Variants in MRAP2 observed in about 807,000 individuals in gnomAD.
MRAP2 encodes the protein melanocortin-2 receptor accessory protein 2.
In MRAP2, 20 loss-of-function variants were observed where a neutral mutation model predicts 17.4. The observed-to-expected ratio is 1.15, with a 90% CI of 0.81 to 1.67. MRAP2 has a LOEUF of 1.67. Among genes scored for constraint, MRAP2 ranks in the 40% most tolerant of loss-of-function variants. MRAP2 has a pLI of 0.00. For missense variants in MRAP2, 238 were observed against 240.0 expected (o/e 0.99, Z 0.05); for synonymous variants, 96 against 88.4 (o/e 1.09, Z -0.48).
chr6:84,104,275 T>C, the MRAP2 span, among the ~76,000 whole-genome samples: 1 of 152,202 alleles, frequency 6.6e-6, no homozygotes, highest in Non-Finnish European at 1.5e-5. Flanking sequence ...CTCTGGTTCC[T>C]GCCCACGAAA....
At chr6:84,115,424 C>A in the MRAP2 span, among the ~76,000 whole-genome samples, 1 of 152,172 alleles carries the variant, frequency 6.6e-6, no homozygotes, top group Non-Finnish European at 1.5e-5. Context: ...CGCCCCTTCA[C>A]CCACCAAGTT....
At chr6:84,066,685 C>G (rs1157916400) in intron 3 of MRAP2, among the ~76,000 whole-genome samples, 2 of 152,048 alleles carry the variant, frequency 1.3e-5, no homozygotes, top group Non-Finnish European at 2.9e-5. Context: ...TCCATGTGTT[C>G]CCACAATACA....
the MRAP2 span, among the ~76,000 whole-genome samples, chr6:84,100,329 C>T: frequency 6.6e-6 from 1 of 152,112 alleles, no homozygotes. Context: ...GTGGAACAAT[C>T]GTGGCTCACT....
chr6:84,105,930 G>A, the MRAP2 span, among the ~76,000 whole-genome samples: 1 of 152,100 alleles, frequency 6.6e-6, no homozygotes, highest in South Asian at 2.1e-4. Flanking sequence ...GTCACTAGGG[G>A]TAATGTGGAG....
chr6:84,141,150 A>C, the MRAP2 span, among the ~76,000 whole-genome samples: 1 of 152,182 alleles, frequency 6.6e-6, no homozygotes, highest in African/African-American at 2.4e-5. Context: ...CTAACAGGCC[A>C]TGAACTGGTA....
chr6:84,139,704 G>A, the MRAP2 span, among the ~76,000 whole-genome samples: 37 of 152,234 alleles, frequency 2.4e-4, no homozygotes, highest in East Asian at 7.0e-3. Flanking sequence ...ATTTTTCCTG[G>A]TCCTTCTTTT....
chr6:84,035,536 C>A, intron 1 of MRAP2: 1 of 481,396 alleles, frequency 2.1e-6, no homozygotes, highest in Non-Finnish European at 2.7e-6. Context: ...AACATGAAAG[C>A]CAAGAGAAAG....
chr6:84,040,336 G>C (rs1206620940), intron 1 of MRAP2, among the ~76,000 whole-genome samples: 2 of 152,202 alleles, frequency 1.3e-5, no homozygotes, highest in African/African-American at 4.8e-5. Context: ...CCAGTCTCAG[G>C]TATGTCTTTA....
chr6:84,038,206 C>T (rs111369551), intron 1 of MRAP2, among the ~76,000 whole-genome samples: 1,887 of 152,326 alleles, frequency 0.012, 45 homozygotes, highest in African/African-American at 0.043. Context: ...GAGCAGCCAG[C>T]TGAAGGAAGG....
chr6:84,128,778 G>C, the MRAP2 span, among the ~76,000 whole-genome samples: 1 of 151,936 alleles, frequency 6.6e-6, no homozygotes, highest in East Asian at 1.9e-4. Flanking sequence ...GTGCCATGAT[G>C]GTTTGCTGCA....
intron 3 of MRAP2, among the ~76,000 whole-genome samples, chr6:84,079,716 C>T (rs1034337988): frequency 3.3e-5 from 5 of 152,038 alleles, no homozygotes; most frequent in Non-Finnish European, 5.9e-5. Flanking sequence ...TCATAGTAAA[C>T]TATGTGTGTA....
chr6:84,087,133 C>A (rs1458040858), intron 3 of MRAP2, among the ~76,000 whole-genome samples: 2 of 152,000 alleles, frequency 1.3e-5, no homozygotes, highest in Non-Finnish European at 2.9e-5. Flanking sequence ...CTCAGGAGGT[C>A]CTGAAGACAT....
the MRAP2 span, among the ~76,000 whole-genome samples, chr6:84,099,628 C>G: frequency 6.6e-6 from 1 of 152,058 alleles, no homozygotes; most frequent in Non-Finnish European, 1.5e-5. Flanking sequence ...CCTTCTTGCT[C>G]CCTCTCTCAG....
chr6:84,112,626 T>C, the MRAP2 span, among the ~76,000 whole-genome samples: 3 of 152,170 alleles, frequency 2.0e-5, no homozygotes, highest in Non-Finnish European at 2.9e-5. Flanking sequence ...CTGATCTTAG[T>C]TATTTCTTGT....
chr6:84,074,599 T>C (rs138706220), intron 3 of MRAP2, among the ~76,000 whole-genome samples: 29 of 152,320 alleles, frequency 1.9e-4, no homozygotes, highest in African/African-American at 6.5e-4. Flanking sequence ...AATCACAGGA[T>C]GACAGATAAC....
chr6:84,126,777 T>G, the MRAP2 span, among the ~76,000 whole-genome samples: 2 of 152,146 alleles, frequency 1.3e-5, no homozygotes, highest in African/African-American at 2.4e-5. Context: ...GAGCTGAAAA[T>G]GAAGTTGGCA....
chr6:84,118,412 A>C, the MRAP2 span, among the ~76,000 whole-genome samples: 2 of 151,608 alleles, frequency 1.3e-5, no homozygotes, highest in Non-Finnish European at 2.9e-5. Context: ...TCCCAGGGAG[A>C]GATCAGAGCT....
chr6:84,066,836 A>G (rs752639472), intron 3 of MRAP2, among the ~76,000 whole-genome samples: 5 of 152,154 alleles, frequency 3.3e-5, no homozygotes, highest in Non-Finnish European at 7.4e-5. Context: ...CAGATTGGCA[A>G]TTTTTAATCT....
At chr6:84,072,984 G>T (rs778937472) in intron 3 of MRAP2, among the ~76,000 whole-genome samples, 5 of 152,084 alleles carry the variant, frequency 3.3e-5, no homozygotes, top group Admixed American at 6.5e-5. Flanking sequence ...TTGAGAACTT[G>T]CCCCAGGCTA....
Sources: allele counts gnomAD v4.1 joint callset (sites outside exome capture counted in the v4.1 genomes callset), GRCh38; gene constraint gnomAD v4.1.1; transcripts MANE v1.5; gene names NCBI Gene and HGNC (gene_info 2026-07-23, HGNC 2026-07-21).